Variants in NMNAT2 observed in about 807,000 individuals in gnomAD.
NMNAT2 encodes nicotinamide nucleotide adenylyltransferase 2.
In NMNAT2, 11 loss-of-function variants were observed where a neutral mutation model predicts 41.6. The ratio of observed to expected loss-of-function variants is 0.26; its 90% confidence interval spans 0.17 to 0.44. The LOEUF is 0.44. Among genes scored for constraint, NMNAT2 ranks in the 20% least tolerant of loss-of-function variants. The probability of loss-of-function intolerance (pLI) is 1.00; values close to 1 mark genes in which losing one functional copy is unlikely to be tolerated. For missense variants in NMNAT2, 288 were observed against 407.7 expected, an observed-to-expected ratio of 0.71 and a Z score of 2.53; for synonymous variants, 148 against 151.2, an observed-to-expected ratio of 0.98 and a Z score of 0.16.
chr1:183,362,463 C>G (rs927661494), intron 1 of NMNAT2, among the ~76,000 whole-genome samples: 5 of 152,186 alleles, frequency 3.3e-5, no homozygotes, highest in African/African-American at 1.2e-4. Flanking sequence ...GGCCACTACT[C>G]TACTTTCTAT....
intron 1 of NMNAT2, among the ~76,000 whole-genome samples, chr1:183,306,382 A>G (rs2102320895): frequency 6.6e-6 from 1 of 152,302 alleles, no homozygotes; most frequent in East Asian, 1.9e-4. Context: ...TTTGATTTTC[A>G]AACTTCTATA....
intron 1 of NMNAT2, among the ~76,000 whole-genome samples, chr1:183,369,301 G>A (rs976124225): frequency 2.2e-5 from 3 of 138,586 alleles, no homozygotes; most frequent in African/African-American, 5.4e-5. Context: ...TATTTTTGAC[G>A]GCATCTTGCT....
At chr1:183,413,602 C>CTTTTTTTTTTTT (rs71130613) in intron 1 of NMNAT2, among the ~76,000 whole-genome samples, 21 of 82,534 alleles carry the variant, frequency 2.5e-4, no homozygotes, top group African/African-American at 8.0e-4. Flanking sequence ...TCTTTTCTTT[C>CTTTTTTTTTTTT]TTTTTTTTTT....
At chr1:183,418,148 GGAAGCGGCTTCCA>G (rs1175831974) in intron 1 of NMNAT2, 22 bp downstream of exon 1, 1 of 1,586,114 alleles carries the variant, frequency 6.3e-7, no homozygotes, top group Admixed American at 1.7e-5. Flanking sequence ...GGAGAGGAGC[GGAAGCGGCTTCCA>G]GAGGTGGGCG....
chr1:183,416,072 A>G (rs1649243000), intron 1 of NMNAT2, among the ~76,000 whole-genome samples: 1 of 152,160 alleles, frequency 6.6e-6, no homozygotes, highest in Admixed American at 6.5e-5. Context: ...AAACCCTTCC[A>G]CTGCAACTCA....
At position 183,259,745 on chromosome 1, in the gene NMNAT2, G is replaced by A. The variant is rs560918462; in HGVS notation, c.821+1257C>T. Among the ~76,000 whole-genome samples, 776 of 152,104 alleles carry A rather than the reference G, an allele frequency of 5.1e-3. 6 individuals carry two copies. Among genetic ancestry groups the A allele is most frequent in the African/African-American group, 0.018 (750 of 41,490 alleles). ...CTCCCGAGTAGCTGGGACTACAGGC[G>A]GCTGCCACCACGCCCGGCTGATTTT... On this transcript the variant is annotated intron_variant, in intron 10 of 10. Transcript: ENST00000287713.
chr1:183,322,835 T>G (rs1193205910), intron 1 of NMNAT2, among the ~76,000 whole-genome samples: 3 of 152,194 alleles, frequency 2.0e-5, no homozygotes, highest in African/African-American at 7.2e-5. Flanking sequence ...TTATACTACC[T>G]TGCAGACCTC....
At chr1:183,415,481 T>G (rs192185683) in intron 1 of NMNAT2, among the ~76,000 whole-genome samples, 1 of 152,254 alleles carries the variant, frequency 6.6e-6, no homozygotes, top group African/African-American at 2.4e-5. Context: ...TTCATGAAAA[T>G]AGAGTGTTCA....
At chr1:183,381,051 G>A (rs79403420) in intron 1 of NMNAT2, among the ~76,000 whole-genome samples, 1 of 152,266 alleles carries the variant, frequency 6.6e-6, no homozygotes, top group East Asian at 1.9e-4. Context: ...ATATAATGAG[G>A]AGCTGGATCA....
chr1:183,305,375 G>C (rs1020700877), intron 1 of NMNAT2, among the ~76,000 whole-genome samples: 6 of 152,092 alleles, frequency 3.9e-5, no homozygotes, highest in Non-Finnish European at 5.9e-5. Flanking sequence ...TGATGGAGGA[G>C]CCCACCTTGG....
intron 10 of NMNAT2, among the ~76,000 whole-genome samples, chr1:183,259,323 G>C (rs947556046): frequency 6.6e-6 from 1 of 152,122 alleles, no homozygotes; most frequent in Non-Finnish European, 1.5e-5. Flanking sequence ...CCTCACAGTG[G>C]ATGTTACCCT....
At chr1:183,313,492 T>G (rs1002962719) in intron 1 of NMNAT2, among the ~76,000 whole-genome samples, 5 of 152,254 alleles carry the variant, frequency 3.3e-5, no homozygotes, top group African/African-American at 9.6e-5. Context: ...AAGCATTTCT[T>G]TTTTTGAGAT....
chr1:183,352,562 C>CAAAAAAAAAAAAAAAAAAAAAAAAA (rs55706245), intron 1 of NMNAT2, among the ~76,000 whole-genome samples: 1 of 79,162 alleles, frequency 1.3e-5, no homozygotes. Context: ...CAGTCTGTCT[C>CAAAAAAAAAAAAAAAAAAAAAAAAA]AAAAAAAAAA....
chr1:183,403,214 A>T lies in NMNAT2; in HGVS notation c.85+14969T>A, dbSNP rs575980406. On this transcript the variant is annotated intron_variant, in intron 1 of 10. Coordinates refer to ENST00000287713, the MANE Select transcript of NMNAT2 (RefSeq NM_015039.4). The stretch of plus-strand genomic sequence containing the variant: ...CTCCCAAAGTGCTAGGATTACAGGC[A>T]TGAGCCACTGCACCCGGCCAAACAA... Among the ~76,000 whole-genome samples the T allele has an allele frequency of 9.2e-5, 14 of 152,236 alleles. No individual in the cohort carries two copies. In the South Asian group the frequency reaches 2.7e-3, roughly 29 times the overall value.
At chr1:183,318,514 G>T (rs545661272) in intron 1 of NMNAT2, among the ~76,000 whole-genome samples, 1 of 152,282 alleles carries the variant, frequency 6.6e-6, no homozygotes, top group Admixed American at 6.5e-5. Flanking sequence ...CATTGTGTTT[G>T]CCTTGAGAAA....
At chr1:183,367,965 G>A (rs977343697) in intron 1 of NMNAT2, among the ~76,000 whole-genome samples, 1 of 152,064 alleles carries the variant, frequency 6.6e-6, no homozygotes, top group Non-Finnish European at 1.5e-5. Flanking sequence ...AACTCAATAA[G>A]CAAAGAAATG....
At chr1:183,270,171 A>C (rs1373193782) in intron 8 of NMNAT2, among the ~76,000 whole-genome samples, 1 of 152,222 alleles carries the variant, frequency 6.6e-6, no homozygotes, top group African/African-American at 2.4e-5. Context: ...GTAGTGAGCC[A>C]CTGCACCTGG....
intron 1 of NMNAT2, among the ~76,000 whole-genome samples, chr1:183,333,232 G>A (rs1284454138): frequency 6.6e-6 from 1 of 152,198 alleles, no homozygotes; most frequent in African/African-American, 2.4e-5. Context: ...AACATCTTCA[G>A]AGAGGTCCTT....
At chr1:183,259,485 G>A (rs765872854) in intron 10 of NMNAT2, among the ~76,000 whole-genome samples, 3 of 152,142 alleles carry the variant, frequency 2.0e-5, no homozygotes, top group East Asian at 1.9e-4. Flanking sequence ...CACCACTGCC[G>A]GTGGTCCAGT....
Sources: gnomAD v4.1 joint callset for allele counts (sites outside exome capture counted in the v4.1 genomes callset) on GRCh38, gnomAD v4.1.1 for gene constraint, MANE v1.5 for transcripts, NCBI Gene and HGNC (gene_info 2026-07-23, HGNC 2026-07-21) for gene names.